RELCH: variants seen among roughly 807,000 people sequenced by gnomAD.
RELCH encodes RAB11 binding and LisH domain, coiled-coil and HEAT repeat containing, also known as RAB11-binding protein RELCH.
In RELCH, 41 loss-of-function variants were observed where a neutral mutation model predicts 150.3. The observed-to-expected ratio is 0.27, with a 90% CI of 0.21 to 0.35. The LOEUF is 0.35. Among genes scored for constraint, RELCH ranks in the 10% least tolerant of loss-of-function variants. The pLI, the probability that RELCH is intolerant of heterozygous loss-of-function variation, is 1.00. For missense variants in RELCH, 1,092 were observed against 1,467.8 expected (o/e 0.74, Z 4.18); for synonymous variants, 478 against 531.8 (o/e 0.90, Z 1.39).
intron 1 of RELCH, among the ~76,000 whole-genome samples, chr18:62,200,149 CAA>C (rs1203335747): frequency 6.6e-6 from 1 of 152,110 alleles, no homozygotes; most frequent in African/African-American, 2.4e-5. Flanking sequence ...AACCCTGTGA[CAA>C]AGAGAAAAAG....
intron 1 of RELCH, among the ~76,000 whole-genome samples, chr18:62,201,527 G>A (rs1398723847): frequency 2.0e-5 from 3 of 151,942 alleles, no homozygotes; most frequent in African/African-American, 7.3e-5. Context: ...ATTATAAAGT[G>A]CCCATATTAA....
intron 6 of RELCH, 26 bp from the exon 7 acceptor site, chr18:62,227,572 C>A (rs773572809): frequency 1.3e-6 from 2 of 1,526,404 alleles, no homozygotes; most frequent in South Asian, 1.2e-5. Context: ...TCTTGAGTTT[C>A]TGTTTTTCTC....
chr18:62,298,712 A>G, intron 27 of RELCH, 78 bp from the exon 28 acceptor site: 2 of 722,866 alleles, frequency 2.8e-6, no homozygotes, highest in Admixed American at 5.8e-5. Flanking sequence ...TAGGAATATT[A>G]AAAATTAAAA....
rs138376812 is a variant in RELCH at position 62,225,432 on chromosome 18, A to G, written c.859-1857A>G. 1.5e-4 allele frequency among the ~76,000 whole-genome samples: 23 copies of G among 152,172 alleles called. 1 individual carries two copies. The highest frequency in any genetic ancestry group is 4.8e-4 in the African/African-American group (20 of 41,554). ...AGAGGGTGAAAATATTGCAAGTAAC[A>G]TATCTAATAAAGGAGTTATATCCAA... On this transcript the variant is annotated intron_variant, in intron 5 of 28. Transcript: ENST00000644646.
chr18:62,222,252 G>A (rs1324827729), intron 5 of RELCH, among the ~76,000 whole-genome samples: 1 of 151,826 alleles, frequency 6.6e-6, no homozygotes, highest in Admixed American at 6.6e-5. Flanking sequence ...TCAGTTATTA[G>A]AATATATTTG....
At chr18:62,201,861 G>T (rs2039472425) in intron 1 of RELCH, among the ~76,000 whole-genome samples, 1 of 152,122 alleles carries the variant, frequency 6.6e-6, no homozygotes, top group Non-Finnish European at 1.5e-5. Flanking sequence ...TTTTTCTGAT[G>T]CATTTGGTTC....
At chr18:62,271,559 T>C (rs1336235915) in intron 20 of RELCH, among the ~76,000 whole-genome samples, 2 of 152,250 alleles carry the variant, frequency 1.3e-5, no homozygotes, top group Non-Finnish European at 2.9e-5. Context: ...CTGATGGTAG[T>C]TTCTTTTGCT....
Position 62,228,511 on chromosome 18 carries a change from C to G in RELCH, c.1361C>G (p.Pro454Arg), listed in dbSNP as rs202119767. The change falls in exon 8 of 29, where the codon CCA becomes CGA. Residue 454 changes from proline to arginine, a missense_variant. Around this residue, in one of 4 missense-constraint regions of RELCH, gnomAD observed 707 missense variants for 1,025.4 expected, o/e 0.69. Coordinates refer to ENST00000644646, the MANE Select transcript of RELCH (RefSeq NM_001346231.2). ...TCCACTATTCCTAAAGAGAATTCCC[C>G]AAATTCATTCCCCAGGAGAGAAAGA... The part of the protein sequence containing the change: ...ADSTIPKENS[P>R]NSFPRREREG... The G allele has an allele frequency of 3.1e-6, 5 of 1,612,956 alleles. No individual in the cohort carries two copies. The East Asian group carries it at 1.1e-4, about 36-fold the overall frequency.
intron 10 of RELCH, among the ~76,000 whole-genome samples, chr18:62,233,378 A>T (rs1036761134): frequency 2.6e-5 from 4 of 151,956 alleles, no homozygotes; most frequent in African/African-American, 9.7e-5. Context: ...ACAGTATGAT[A>T]GGTACATAAT....
intron 20 of RELCH, among the ~76,000 whole-genome samples, chr18:62,269,767 AG>A (rs1390774946): frequency 6.6e-6 from 1 of 152,182 alleles, no homozygotes; most frequent in East Asian, 1.9e-4. Context: ...TAATGTGCTC[AG>A]GGTAACAAAG....
intron 1 of RELCH, among the ~76,000 whole-genome samples, chr18:62,200,905 T>C (rs564104887): frequency 2.6e-5 from 4 of 151,756 alleles, no homozygotes; most frequent in African/African-American, 9.6e-5. Flanking sequence ...TTATAGGTTC[T>C]CTTTCTTTGA....
At chr18:62,295,197 T>C (rs979613874) in intron 27 of RELCH, among the ~76,000 whole-genome samples, 1 of 152,192 alleles carries the variant, frequency 6.6e-6, no homozygotes, top group Non-Finnish European at 1.5e-5. Flanking sequence ...GTAAATTAAT[T>C]TGGGGATTCT....
In RELCH at chr18:62,221,507, C is replaced by T; in HGVS notation, c.858+10C>T. ...TGAAAACGATGATCAGGTAAAGTTA[C>T]TTTTTGTTTTTACAGTGATTTTTTT... is the stretch of plus-strand genomic sequence containing the variant. On this transcript the variant is annotated intron_variant, in intron 5 of 28. Coordinates refer to ENST00000644646, the MANE Select transcript of RELCH (RefSeq NM_001346231.2). 1 of 1,308,450 alleles carries T rather than the reference C, an allele frequency of 7.6e-7. No individual in the cohort carries two copies. The highest frequency in any genetic ancestry group is 1.0e-6 in the Non-Finnish European group (1 of 953,174). The allele number at this position is 1,308,450 out of a possible 1,614,324, so 81.1% of individuals were successfully genotyped here.
chr18:62,206,966 G>T (rs571573008), intron 1 of RELCH, among the ~76,000 whole-genome samples: 1 of 151,962 alleles, frequency 6.6e-6, no homozygotes, highest in Non-Finnish European at 1.5e-5. Flanking sequence ...TCTTAAACTC[G>T]TGGGTTCAAG....
At chr18:62,300,437 A>T (rs1376902177) in intron 28 of RELCH, 1 of 152,202 alleles carries the variant, frequency 6.6e-6, no homozygotes, top group Non-Finnish European at 1.5e-5. Context: ...ATTGTAGATC[A>T]AAAGCACAAG....
rs545382325 is a variant in RELCH, at chr18:62,187,708, G to A, written c.203G>A (p.Arg68Gln). Reference sequence around the variant, plus strand: ...CCCGTGGCCTTAGGAAGCAGTGCGCGGCCAGGGCTCCCTGGGGAGGCGTCG... The same window carrying A: ...CCCGTGGCCTTAGGAAGCAGTGCGCAGCCAGGGCTCCCTGGGGAGGCGTCG... Reference protein sequence around the residue: ...QDPVALGSSARPGLPGEASAA... With the variant: ...QDPVALGSSAQPGLPGEASAA... Residue 68 changes from arginine to glutamine, a missense_variant, in exon 1 of 29, where the codon CGG (arginine) becomes CAG (glutamine). Physicochemically the swap from Arg to Gln is conservative, Grantham distance 43. This residue lies in a region of RELCH where 138 missense variants were observed against 124.8 expected (regional missense o/e 1.11). Transcript: ENST00000644646. 21 of 1,600,714 alleles carry A rather than the reference G, an allele frequency of 1.3e-5. No homozygotes were observed. The East Asian group carries it at 2.5e-4, about 19-fold the overall frequency.
intron 20 of RELCH, among the ~76,000 whole-genome samples, chr18:62,272,461 C>A (rs1266467754): frequency 4.6e-5 from 7 of 151,966 alleles, no homozygotes. Context: ...GAATAAGGGG[C>A]ATTTCTTTTG....
At chr18:62,226,181 CT>C (rs2041206246) in intron 5 of RELCH, among the ~76,000 whole-genome samples, 1 of 151,914 alleles carries the variant, frequency 6.6e-6, no homozygotes, top group Non-Finnish European at 1.5e-5. Flanking sequence ...CAAATTAGTA[CT>C]AAATTATGAT....
chr18:62,308,862 T>C lies in RELCH; in HGVS notation c.*3328T>C, dbSNP rs1237699881. ...ACTACAAAATAAATTTAGCCTTTTG[T>C]ATGAGTAGACATCTATTTCAAAGTT... On this transcript the variant is annotated 3_prime_UTR_variant, in exon 29 of 29. Coordinates refer to ENST00000644646, the MANE Select transcript of RELCH (RefSeq NM_001346231.2). 2.0e-5 allele frequency: 3 copies of C among 152,220 alleles called. No homozygotes were observed. The highest frequency in any genetic ancestry group is 2.0e-4 in the Admixed American group (3 of 15,272). The allele number at this position is 152,220 out of a possible 1,614,324, so 9.4% of individuals were successfully genotyped here.
Sources: gnomAD v4.1 joint callset for allele counts (sites outside exome capture counted in the v4.1 genomes callset) on GRCh38, gnomAD v4.1.1 for gene constraint, gnomAD v4.1.1 regional missense constraint, MANE v1.5 for transcripts, NCBI Gene and HGNC (gene_info 2026-07-23, HGNC 2026-07-21) for gene names.